ZNG1A: variants seen among roughly 807,000 people sequenced by gnomAD.
The protein encoded by ZNG1A is Zn regulated GTPase metalloprotein activator 1A.
the ZNG1A span, chr9:160,229 G>A: frequency 0.05 from 22,634 of 453,366 alleles, 794 homozygotes; most frequent in African/African-American, 0.1. Context: ...CTCAGTTTCA[G>A]TTTGGCTGGC....
the ZNG1A span, among the ~76,000 whole-genome samples, chr9:126,705 T>C: frequency 1.3e-5 from 2 of 152,236 alleles, no homozygotes; most frequent in South Asian, 4.1e-4. Context: ...TGTTTCAATT[T>C]CATTTAATTC....
At chr9:160,289 T>A in the ZNG1A span, 1 of 411,076 alleles carries the variant, frequency 2.4e-6, no homozygotes, top group Non-Finnish European at 4.9e-6. Flanking sequence ...GCTGGCTCTG[T>A]GAAGCATGAC....
the ZNG1A span, among the ~76,000 whole-genome samples, chr9:135,684 G>C: frequency 9.4e-6 from 1 of 106,020 alleles, no homozygotes; most frequent in Admixed American, 1.0e-4. Context: ...CAGGACGGGA[G>C]GGGGAAAGGA....
At chr9:157,773 T>C in the ZNG1A span, among the ~76,000 whole-genome samples, 10 of 146,586 alleles carry the variant, frequency 6.8e-5, no homozygotes, top group Non-Finnish European at 1.2e-4. Context: ...TCAATAATCA[T>C]ATATCAGAGC....
the ZNG1A span, among the ~76,000 whole-genome samples, chr9:140,298 G>A: frequency 2.6e-5 from 4 of 151,892 alleles, no homozygotes; most frequent in Admixed American, 1.3e-4. Context: ...GGTTCTCCCA[G>A]CACGCAGCTG....
At chr9:157,321 A>C in the ZNG1A span, among the ~76,000 whole-genome samples, 30 of 143,980 alleles carry the variant, frequency 2.1e-4, 1 homozygote, top group African/African-American at 7.0e-4. Flanking sequence ...TCCTGTTTAC[A>C]TCCCTAACGT....
chr9:139,088 A>C, the ZNG1A span, among the ~76,000 whole-genome samples: 1 of 147,926 alleles, frequency 6.8e-6, no homozygotes. Flanking sequence ...CTGCAGCATT[A>C]TTTGCAATAG....
At chr9:165,215 TCTACTGTATCA>T in the ZNG1A span, among the ~76,000 whole-genome samples, 10 of 152,108 alleles carry the variant, frequency 6.6e-5, no homozygotes, top group Admixed American at 6.6e-4. Context: ...GGAAATTAAA[TCTACTGTATCA>T]CTACTCCAAA....
the ZNG1A span, among the ~76,000 whole-genome samples, chr9:163,738 G>A: frequency 4.7e-3 from 716 of 151,572 alleles, 2 homozygotes; most frequent in African/African-American, 0.016. Context: ...CCAACATGGC[G>A]AAACCCCGTC....
chr9:136,100 CAA>C, the ZNG1A span, among the ~76,000 whole-genome samples: 6 of 58,050 alleles, frequency 1.0e-4, no homozygotes, highest in Non-Finnish European at 1.3e-4. Flanking sequence ...TCATACGCAG[CAA>C]AAAAAAAAAA....
chr9:127,592 T>C, the ZNG1A span, among the ~76,000 whole-genome samples: 2 of 152,242 alleles, frequency 1.3e-5, no homozygotes, highest in Non-Finnish European at 2.9e-5. Flanking sequence ...GTGAGACTCT[T>C]GAAGGCAACA....
chr9:179,023 T>C, the ZNG1A span: 16 of 899,350 alleles, frequency 1.8e-5, 4 homozygotes, highest in Middle Eastern at 1.5e-3. Context: ...CAACACGCCG[T>C]ACCGCAGCCG....
the ZNG1A span, among the ~76,000 whole-genome samples, chr9:169,178 A>G: frequency 2.0e-5 from 3 of 152,178 alleles, no homozygotes; most frequent in Non-Finnish European, 2.9e-5. Context: ...AGATCAAAGT[A>G]TCAACATGAA....
At chr9:155,014 G>C in the ZNG1A span, among the ~76,000 whole-genome samples, 1 of 152,148 alleles carries the variant, frequency 6.6e-6, no homozygotes, top group East Asian at 1.9e-4. Context: ...TCATTACTAT[G>C]CAAGTTCAGA....
the ZNG1A span, among the ~76,000 whole-genome samples, chr9:157,560 G>T: frequency 7.0e-6 from 1 of 142,714 alleles, no homozygotes; most frequent in Non-Finnish European, 1.5e-5. Flanking sequence ...AATAATTATG[G>T]GAGATGGCTA....
the ZNG1A span, among the ~76,000 whole-genome samples, chr9:132,656 A>C: frequency 1.8e-5 from 1 of 54,994 alleles, no homozygotes; most frequent in Admixed American, 1.8e-4. Context: ...ACAAACAAAC[A>C]AAAAACTATC....
chr9:152,349 G>C, the ZNG1A span, among the ~76,000 whole-genome samples: 1 of 152,170 alleles, frequency 6.6e-6, no homozygotes, highest in South Asian at 2.1e-4. Context: ...GCTACTTTGT[G>C]GTTAATAAAA....
At chr9:140,623 G>C in the ZNG1A span, among the ~76,000 whole-genome samples, 7 of 143,988 alleles carry the variant, frequency 4.9e-5, no homozygotes, top group Non-Finnish European at 7.6e-5. Context: ...TCCTCCAAAG[G>C]AACGCAGCGC....
At chr9:176,878 C>T in the ZNG1A span, among the ~76,000 whole-genome samples, 3 of 151,614 alleles carry the variant, frequency 2.0e-5, no homozygotes, top group Non-Finnish European at 2.9e-5. Flanking sequence ...CTCATTCATT[C>T]GAAGGTTTCT....
Sources: gnomAD v4.1 joint callset for allele counts (sites outside exome capture counted in the v4.1 genomes callset) on GRCh38, gnomAD v4.1.1 for gene constraint, MANE v1.5 for transcripts, NCBI Gene and HGNC (gene_info 2026-07-23, HGNC 2026-07-21) for gene names.